PTPRK: variants seen among roughly 807,000 people sequenced by gnomAD.
PTPRK encodes receptor-type tyrosine-protein phosphatase kappa.
A neutral mutation model predicts 178.0 loss-of-function variants in PTPRK; 75 were observed. The ratio of observed to expected loss-of-function variants is 0.42; its 90% confidence interval spans 0.35 to 0.51. The LOEUF (loss-of-function observed/expected upper bound fraction) is 0.51. PTPRK is among the 20% of genes least tolerant of loss of function. PTPRK has a pLI of 0.02. For synonymous variants in PTPRK, 637 were observed against 620.6 expected, an observed-to-expected ratio of 1.03 and a Z score of -0.39; for missense variants, 1,441 against 1,797.8, an observed-to-expected ratio of 0.80 and a Z score of 3.59.
chr6:128,312,189 C>G (rs1827329024), intron 3 of PTPRK, among the ~76,000 whole-genome samples: 1 of 152,202 alleles, frequency 6.6e-6, no homozygotes, highest in Non-Finnish European at 1.5e-5. Context: ...GGGCAGGACC[C>G]TTTCTAGTAT....
intron 7 of PTPRK, among the ~76,000 whole-genome samples, chr6:128,091,666 CCACA>C (rs1328930088): frequency 6.6e-6 from 1 of 152,134 alleles, no homozygotes; most frequent in Non-Finnish European, 1.5e-5. Flanking sequence ...GAGAGAAACA[CCACA>C]AATATTTAAC....
intron 6 of PTPRK, among the ~76,000 whole-genome samples, chr6:128,190,829 G>A (rs1346056321): frequency 6.6e-6 from 1 of 152,064 alleles, no homozygotes; most frequent in African/African-American, 2.4e-5. Context: ...TATTACTCAG[G>A]TGGCTCATAA....
chr6:128,372,776 G>C (rs1836470227), intron 2 of PTPRK, among the ~76,000 whole-genome samples: 1 of 152,070 alleles, frequency 6.6e-6, no homozygotes, highest in African/African-American at 2.4e-5. Context: ...ACCCCTACCT[G>C]GCTCTCAGAA....
At chr6:128,494,425 T>A (rs559963548) in intron 1 of PTPRK, among the ~76,000 whole-genome samples, 1 of 152,248 alleles carries the variant, frequency 6.6e-6, no homozygotes, top group Non-Finnish European at 1.5e-5. Context: ...GTATATTGTG[T>A]TTCAGATAAG....
At chr6:128,371,368 T>C (rs1836256280) in intron 2 of PTPRK, among the ~76,000 whole-genome samples, 1 of 152,248 alleles carries the variant, frequency 6.6e-6, no homozygotes, top group African/African-American at 2.4e-5. Context: ...CTTGTTAGCA[T>C]ATGATAATTT....
chr6:128,329,121 C>G (rs1317072647), intron 2 of PTPRK, among the ~76,000 whole-genome samples: 1 of 152,026 alleles, frequency 6.6e-6, no homozygotes, highest in Non-Finnish European at 1.5e-5. Context: ...GTAGAGAACC[C>G]TATATTTTAA....
intron 27 of PTPRK, among the ~76,000 whole-genome samples, chr6:127,976,367 A>G (rs2114613468): frequency 6.6e-6 from 1 of 152,340 alleles, no homozygotes; most frequent in South Asian, 2.1e-4. Context: ...AGATAAGTCT[A>G]CATACACTCA....
intron 3 of PTPRK, among the ~76,000 whole-genome samples, chr6:128,296,002 T>C (rs937624848): frequency 3.9e-5 from 6 of 152,170 alleles, no homozygotes; most frequent in Non-Finnish European, 8.8e-5. Flanking sequence ...ATCAAGTTCC[T>C]AGCAAGTTTC....
At chr6:128,253,118 T>C (rs531050775) in intron 3 of PTPRK, among the ~76,000 whole-genome samples, 2 of 151,954 alleles carry the variant, frequency 1.3e-5, no homozygotes, top group South Asian at 4.2e-4. Context: ...TAATAATACA[T>C]CCCAAATGCC....
Position 128,271,961 on chromosome 6 carries a change from G to A in PTPRK, c.496-29359C>T, listed in dbSNP as rs558334988. Among the ~76,000 whole-genome samples the A allele has an allele frequency of 9.2e-5, 14 of 152,070 alleles. No individual in the cohort carries two copies. The South Asian group carries it at 2.9e-3, about 32-fold the overall frequency. ...TAATATAGTAATTCAGTTTCCTAAA[G>A]CAAAGATCTTAGTGTTAACTATAAT... is the stretch of plus-strand genomic sequence containing the variant. On this transcript the variant is annotated intron_variant, in intron 3 of 29. Coordinates refer to ENST00000368226, the MANE Select transcript of PTPRK (RefSeq NM_002844.4).
intron 7 of PTPRK, among the ~76,000 whole-genome samples, chr6:128,124,303 C>G (rs1792975725): frequency 6.6e-6 from 1 of 152,148 alleles, no homozygotes; most frequent in Non-Finnish European, 1.5e-5. Context: ...CCACCACGGC[C>G]TCCCAAAGTG....
At chr6:128,010,231 C>T (rs1343695224) in intron 13 of PTPRK, among the ~76,000 whole-genome samples, 2 of 151,246 alleles carry the variant, frequency 1.3e-5, no homozygotes, top group East Asian at 3.9e-4. Context: ...TCCATGGCTC[C>T]TACTGCTAAA....
intron 3 of PTPRK, among the ~76,000 whole-genome samples, chr6:128,277,922 A>G (rs1820991124): frequency 6.6e-6 from 1 of 152,072 alleles, no homozygotes; most frequent in Non-Finnish European, 1.5e-5. Flanking sequence ...ATATGAGAAC[A>G]TGAGAACAAA....
intron 13 of PTPRK, among the ~76,000 whole-genome samples, chr6:128,063,262 T>C (rs1304075217): frequency 1.3e-5 from 2 of 152,190 alleles, no homozygotes; most frequent in East Asian, 3.9e-4. Context: ...CTATGCCACA[T>C]GGTAAGACTG....
chr6:128,470,617 T>C (rs1310815799), intron 1 of PTPRK, among the ~76,000 whole-genome samples: 2 of 152,036 alleles, frequency 1.3e-5, no homozygotes, highest in African/African-American at 4.8e-5. Context: ...CTGCAGCTTT[T>C]TTCTATGTCA....
chr6:128,438,122 T>C (rs1279315617), intron 1 of PTPRK, among the ~76,000 whole-genome samples: 1 of 152,232 alleles, frequency 6.6e-6, no homozygotes, highest in Non-Finnish European at 1.5e-5. Flanking sequence ...AAGCCCGTGT[T>C]GTTCAAGGGT....
chr6:128,235,195 A>T (rs566549111), intron 5 of PTPRK, among the ~76,000 whole-genome samples: 2 of 152,292 alleles, frequency 1.3e-5, no homozygotes, highest in Non-Finnish European at 2.9e-5. Context: ...CAAGAATATT[A>T]AAAACATGCA....
At chr6:128,068,573 A>AAAAAAACAAAAAG (rs1782245158) in intron 11 of PTPRK, among the ~76,000 whole-genome samples, 1 of 152,266 alleles carries the variant, frequency 6.6e-6, no homozygotes, top group South Asian at 2.1e-4. Flanking sequence ...AAACAAAAAG[A>AAAAAAACAAAAAG]AAAACAAGGC....
At chr6:128,382,812 T>C (rs1273876941) in intron 2 of PTPRK, among the ~76,000 whole-genome samples, 2 of 152,162 alleles carry the variant, frequency 1.3e-5, no homozygotes, top group Admixed American at 1.3e-4. Flanking sequence ...TCTTGGGACC[T>C]ATAGGTGTCC....
Sources: gnomAD v4.1 joint callset for allele counts (sites outside exome capture counted in the v4.1 genomes callset) on GRCh38, gnomAD v4.1.1 for gene constraint, MANE v1.5 for transcripts, NCBI Gene and HGNC (gene_info 2026-07-23, HGNC 2026-07-21) for gene names.